The following EYS variants were observed in gnomAD, a reference collection of about 807,000 sequenced individuals.
EYS encodes the protein protein eyes shut homolog.
A neutral mutation model predicts 282.1 loss-of-function variants in EYS; 250 were observed. The ratio of observed to expected loss-of-function variants is 0.89; its 90% CI spans 0.80 to 0.98. The LOEUF (loss-of-function observed/expected upper bound fraction) is 0.98. EYS is among the 50% of genes least tolerant of loss of function. The probability of loss-of-function intolerance (pLI) is 0.00; values close to 1 mark genes in which losing one functional copy is unlikely to be tolerated. For missense variants in EYS, 4,016 were observed against 3,709.0 expected, an observed-to-expected ratio of 1.08 and a Z score of -2.15; for synonymous variants, 1,355 against 1,282.9, an observed-to-expected ratio of 1.06 and a Z score of -1.20.
intron 35 of EYS, among the ~76,000 whole-genome samples, chr6:63,942,261 AT>A (rs2149758856): frequency 6.6e-6 from 1 of 152,338 alleles, no homozygotes. Flanking sequence ...TGTGAAGGCC[AT>A]TAAACCTAAA....
chr6:65,316,601 G>C (rs1769301354), intron 11 of EYS, among the ~76,000 whole-genome samples: 1 of 150,660 alleles, frequency 6.6e-6, no homozygotes, highest in Non-Finnish European at 1.5e-5. Context: ...ATCTACATTA[G>C]GTATTTCTCC....
intron 12 of EYS, among the ~76,000 whole-genome samples, chr6:65,125,380 A>G (rs933367838): frequency 1.3e-5 from 2 of 152,066 alleles, no homozygotes; most frequent in African/African-American, 2.4e-5. Flanking sequence ...CTTCCTCATC[A>G]ATTCCTTTGT....
chr6:65,259,236 A>G (rs1767552574), intron 12 of EYS, among the ~76,000 whole-genome samples: 2 of 152,176 alleles, frequency 1.3e-5, no homozygotes, highest in African/African-American at 4.8e-5. Flanking sequence ...TTAAAGAGTC[A>G]TTGCTCCACC....
intron 31 of EYS, among the ~76,000 whole-genome samples, chr6:64,106,544 C>A (rs757485902): frequency 1.1e-4 from 17 of 151,982 alleles, no homozygotes; most frequent in Non-Finnish European, 2.2e-4. Context: ...AGGGAAGGTG[C>A]TTTTTCCTCT....
intron 31 of EYS, among the ~76,000 whole-genome samples, chr6:64,226,929 C>G (rs1766268662): frequency 6.6e-6 from 1 of 151,916 alleles, no homozygotes; most frequent in South Asian, 2.1e-4. Flanking sequence ...ATTGACAACT[C>G]TATTTTGCTG....
intron 1 of EYS, among the ~76,000 whole-genome samples, chr6:65,662,342 T>A (rs925364613): frequency 1.3e-5 from 2 of 152,154 alleles, no homozygotes; most frequent in African/African-American, 2.4e-5. Context: ...CAATCTCATA[T>A]CAGCCAAAGT....
intron 5 of EYS, among the ~76,000 whole-genome samples, chr6:65,464,010 C>A (rs2150411425): frequency 6.6e-6 from 1 of 152,158 alleles, no homozygotes; most frequent in Non-Finnish European, 1.5e-5. Context: ...GTGCTTTTAT[C>A]TTTATCCTAA....
At chr6:64,995,047 T>C (rs554756953) in intron 14 of EYS, among the ~76,000 whole-genome samples, 75 of 152,258 alleles carry the variant, frequency 4.9e-4, no homozygotes, top group African/African-American at 1.7e-3. Context: ...TTAGATGTGA[T>C]TTATGCTTGC....
chr6:65,073,571 A>G (rs1773960818), intron 12 of EYS, among the ~76,000 whole-genome samples: 1 of 151,818 alleles, frequency 6.6e-6, no homozygotes, highest in African/African-American at 2.4e-5. Flanking sequence ...TAGATATATA[A>G]TAAAAATTAG....
chr6:64,477,664 G>T (rs111773114), intron 26 of EYS, among the ~76,000 whole-genome samples: 32 of 152,164 alleles, frequency 2.1e-4, no homozygotes, highest in African/African-American at 7.2e-4. Context: ...CACTAGAAAT[G>T]ATGGTAAACC....
At chr6:64,870,427 C>CAA (rs200730166) in intron 19 of EYS, among the ~76,000 whole-genome samples, 67 of 112,022 alleles carry the variant, frequency 6.0e-4, no homozygotes, top group Middle Eastern at 9.1e-3. Context: ...CTCCCCCCTC[C>CAA]AAAAAAAAAA....
rs1582197622 is a variant in EYS at position 65,369,306 on chromosome 6, A to AATATATATTAT, written c.1299+15079_1299+15080insATAATATATAT. Among the ~76,000 whole-genome samples, 11 of 59,870 alleles carry AATATATATTAT rather than the reference A, an allele frequency of 1.8e-4. No homozygotes were observed. The East Asian group carries it at 3.3e-3, about 18-fold the overall frequency. The allele number at this position is 59,870 out of a possible 152,430, so 39.3% of individuals were successfully genotyped here. ...ATATATTATATATATATTTATGTAT[A>AATATATATTAT]ATATATATATTATATATATATATTT... On this transcript the variant is annotated intron_variant, in intron 8 of 42. Coordinates refer to ENST00000503581, the MANE Select transcript of EYS (RefSeq NM_001142800.2).
intron 29 of EYS, among the ~76,000 whole-genome samples, chr6:64,316,185 C>G (rs1250989837): frequency 6.6e-6 from 1 of 152,136 alleles, no homozygotes; most frequent in Non-Finnish European, 1.5e-5. Flanking sequence ...TCTCACCACA[C>G]CTATTCAATA....
At chr6:63,788,336 C>T (rs1189005891) in intron 38 of EYS, 87 bp from the exon 39 acceptor site, 10 of 1,124,226 alleles carry the variant, frequency 8.9e-6, no homozygotes, top group Non-Finnish European at 1.1e-5. Flanking sequence ...TTCCCATTAA[C>T]TTGGCATGAA....
chr6:65,370,442 A>G (rs1481360455), intron 8 of EYS, among the ~76,000 whole-genome samples: 3 of 150,792 alleles, frequency 2.0e-5, no homozygotes, highest in African/African-American at 4.9e-5. Context: ...AAAAATAGAA[A>G]TTGCATCTCA....
chr6:64,345,102 A>G (rs1771323380), intron 29 of EYS, among the ~76,000 whole-genome samples: 2 of 152,198 alleles, frequency 1.3e-5, no homozygotes, highest in East Asian at 3.9e-4. Context: ...AAGACTCAAT[A>G]TCGTGAAAAT....
At chr6:65,451,640 T>C (rs1764401603) in intron 5 of EYS, among the ~76,000 whole-genome samples, 1 of 152,012 alleles carries the variant, frequency 6.6e-6, no homozygotes. Context: ...CTTAAAGAGT[T>C]TGCTCAAATA....
chr6:64,702,482 A>C (rs886539712), intron 22 of EYS, among the ~76,000 whole-genome samples: 1 of 152,080 alleles, frequency 6.6e-6, no homozygotes, highest in African/African-American at 2.4e-5. Flanking sequence ...TAAATTGACA[A>C]ATTTATGTAC....
rs542352099 is a variant in EYS, at chr6:64,732,455, T to C, written c.3443+80923A>G. On this transcript the variant is annotated intron_variant, in intron 22 of 42. Coordinates refer to ENST00000503581, the MANE Select transcript of EYS (RefSeq NM_001142800.2). ...ACCTTTGCAAATGTTTGCCCTATAG[T>C]CTGTTTATAAACATCTTAGATATGG... is the stretch of plus-strand genomic sequence containing the variant. Among the ~76,000 whole-genome samples, 3 of 152,290 alleles carry C rather than the reference T, an allele frequency of 2.0e-5. No individual in the cohort carries two copies. In the East Asian group the frequency reaches 5.8e-4, roughly 29 times the overall value.
Sources: allele counts gnomAD v4.1 joint callset (sites outside exome capture counted in the v4.1 genomes callset), GRCh38; gene constraint gnomAD v4.1.1; transcripts MANE v1.5; gene names NCBI Gene and HGNC (gene_info 2026-07-23, HGNC 2026-07-21).